SASH1: variants seen among roughly 807,000 people sequenced by gnomAD.
SASH1 encodes SAM and SH3 domain containing 1, also known as SAM and SH3 domain-containing protein 1.
Under a neutral mutation model 125.2 loss-of-function variants are expected in SASH1, and 44 were observed. The observed-to-expected ratio is 0.35, with a 90% CI of 0.28 to 0.45. SASH1 has a LOEUF of 0.45. Among genes scored for constraint, SASH1 ranks in the 20% least tolerant of loss-of-function variants. SASH1 has a pLI of 1.00. For missense variants in SASH1, 1,426 were observed against 1,614.5 expected (o/e 0.88, Z 2.00); for synonymous variants, 639 against 649.1 (o/e 0.98, Z 0.24).
intron 4 of SASH1, among the ~76,000 whole-genome samples, chr6:148,461,776 G>A (rs1583199003): frequency 6.6e-6 from 1 of 152,324 alleles, no homozygotes; most frequent in South Asian, 2.1e-4. Context: ...TTAAACAGAG[G>A]AGATAGGTTT....
intron 2 of SASH1, among the ~76,000 whole-genome samples, chr6:148,436,207 A>G (rs1263258726): frequency 1.3e-5 from 2 of 152,116 alleles, no homozygotes; most frequent in Non-Finnish European, 2.9e-5. Context: ...ATATCTTACC[A>G]TAGGAGGCTG....
chr6:148,403,616 T>C (rs1022432282), intron 2 of SASH1, among the ~76,000 whole-genome samples: 4 of 152,180 alleles, frequency 2.6e-5, no homozygotes, highest in Non-Finnish European at 5.9e-5. Flanking sequence ...CCGCAACCTC[T>C]TCCTCCTGGG....
chr6:148,530,052 A>C (rs1038289959), intron 12 of SASH1, among the ~76,000 whole-genome samples: 4 of 151,978 alleles, frequency 2.6e-5, no homozygotes, highest in Non-Finnish European at 5.9e-5. Context: ...TGAGCCACCC[A>C]CCTCAGCCTC....
At chr6:148,428,449 G>C (rs1685483827) in intron 2 of SASH1, among the ~76,000 whole-genome samples, 1 of 152,036 alleles carries the variant, frequency 6.6e-6, no homozygotes, top group African/African-American at 2.4e-5. Context: ...TGGCCAACAT[G>C]GTGAAACCAT....
the SASH1 span, among the ~76,000 whole-genome samples, chr6:148,262,101 T>TACACACACAC: frequency 6.7e-6 from 1 of 149,752 alleles, no homozygotes; most frequent in Non-Finnish European, 1.5e-5. Context: ...ACTGCACACA[T>TACACACACAC]ACACACACAC....
chr6:148,385,783 G>A (rs1036629425), intron 1 of SASH1, among the ~76,000 whole-genome samples: 4 of 152,108 alleles, frequency 2.6e-5, no homozygotes, highest in African/African-American at 9.7e-5. Context: ...ATCTGGAAAG[G>A]GCACGGAAGC....
chr6:148,231,870 G>A, the SASH1 span, among the ~76,000 whole-genome samples: 1 of 152,102 alleles, frequency 6.6e-6, no homozygotes, highest in East Asian at 1.9e-4. Context: ...GAAGGAAGAA[G>A]ATATAACTCT....
chr6:148,443,028 A>T (rs976456274), intron 4 of SASH1, among the ~76,000 whole-genome samples: 11 of 151,728 alleles, frequency 7.2e-5, no homozygotes, highest in African/African-American at 2.7e-4. Context: ...TGCCCGCCTC[A>T]GCCTCCCAAA....
the SASH1 span, among the ~76,000 whole-genome samples, chr6:148,242,697 C>T: frequency 6.6e-6 from 1 of 152,190 alleles, no homozygotes; most frequent in Non-Finnish European, 1.5e-5. Flanking sequence ...ATAACAAATA[C>T]ATATCGCAAT....
At chr6:148,492,786 A>G (rs1266703097) in intron 8 of SASH1, among the ~76,000 whole-genome samples, 1 of 152,038 alleles carries the variant, frequency 6.6e-6, no homozygotes, top group East Asian at 1.9e-4. Context: ...ACAGGACTGC[A>G]CTCCAGCCTG....
At chr6:148,315,663 G>T (rs1034156040) in intron 1 of SASH1, among the ~76,000 whole-genome samples, 1 of 152,160 alleles carries the variant, frequency 6.6e-6, no homozygotes, top group Admixed American at 6.5e-5. Flanking sequence ...CAGTACTTTG[G>T]GAGGCCCAGG....
chr6:148,443,490 T>TAA (rs1307196761), intron 4 of SASH1, among the ~76,000 whole-genome samples: 132 of 121,122 alleles, frequency 1.1e-3, no homozygotes, highest in South Asian at 1.6e-3. Flanking sequence ...TTTATATATA[T>TAA]TTTATATATA....
At chr6:148,349,850 CTT>C (rs71841350) in intron 1 of SASH1, among the ~76,000 whole-genome samples, 2 of 145,192 alleles carry the variant, frequency 1.4e-5, no homozygotes, top group Non-Finnish European at 1.5e-5. Flanking sequence ...TTCTTTTTTT[CTT>C]TTTTTTTTTT....
In SASH1 at chr6:148,421,174, A is replaced by G. The variant is rs968228908; in HGVS notation, c.286-19010A>G. ...GAAAGAAAGAAAGAAAGAAAGAAAG[A>G]AAGAAAGAAAGAAAGAAAGAAAGAA... is the stretch of plus-strand genomic sequence containing the variant. On this transcript the variant is annotated intron_variant, in intron 2 of 19. Transcript: ENST00000367467. 2.7e-3 allele frequency among the ~76,000 whole-genome samples: 384 copies of G among 144,162 alleles called. 2 individuals carry two copies. Among genetic ancestry groups the G allele is most frequent in the African/African-American group, 5.8e-3 (224 of 38,910 alleles). 94.6% of individuals were successfully genotyped at this position (144,162 alleles called of 152,430 possible).
chr6:148,362,765 C>G (rs60503172), intron 1 of SASH1, among the ~76,000 whole-genome samples: 4,843 of 152,008 alleles, frequency 0.032, 220 homozygotes, highest in East Asian at 0.19. Context: ...GGAGGATCAC[C>G]TTAGCCCAGG....
chr6:148,464,678 A>G (rs1421800864), intron 4 of SASH1, among the ~76,000 whole-genome samples: 1 of 152,200 alleles, frequency 6.6e-6, no homozygotes, highest in Non-Finnish European at 1.5e-5. Flanking sequence ...CTCAAGGAGA[A>G]AGGAGATGGC....
At chr6:148,212,178 C>T in the SASH1 span, among the ~76,000 whole-genome samples, 7 of 152,116 alleles carry the variant, frequency 4.6e-5, no homozygotes, top group African/African-American at 7.2e-5. Context: ...TTAGGAGAAC[C>T]GGGAGAAGAG....
intron 4 of SASH1, among the ~76,000 whole-genome samples, chr6:148,465,593 C>T (rs1039505826): frequency 4.0e-5 from 6 of 150,224 alleles, no homozygotes; most frequent in Non-Finnish European, 1.5e-5. Context: ...AGGGTGAGGA[C>T]AAAAATACAT....
At chr6:148,535,240 C>T (rs1248904189) in intron 16 of SASH1, among the ~76,000 whole-genome samples, 2 of 152,194 alleles carry the variant, frequency 1.3e-5, no homozygotes, top group East Asian at 3.9e-4. Context: ...CCTTTCCGGG[C>T]ATGTTTCTAG....
Sources: gnomAD v4.1 joint callset for allele counts (sites outside exome capture counted in the v4.1 genomes callset) on GRCh38, gnomAD v4.1.1 for gene constraint, MANE v1.5 for transcripts, NCBI Gene and HGNC (gene_info 2026-07-23, HGNC 2026-07-21) for gene names.